Variants in THSD4 observed in about 807,000 individuals in gnomAD.
THSD4 encodes thrombospondin type 1 domain containing 4.
THSD4 carries 69 observed loss-of-function variants against 119.0 expected under a neutral mutation model. The observed-to-expected ratio is 0.58, with a 90% CI of 0.48 to 0.71. The LOEUF (loss-of-function observed/expected upper bound fraction) is 0.71. Ranked by LOEUF, THSD4 falls within the 30% of genes least tolerant of loss-of-function variation. THSD4 has a pLI of 0.00. For synonymous variants in THSD4, 524 were observed against 540.4 expected, an observed-to-expected ratio of 0.97 and a Z score of 0.42; for missense variants, 1,393 against 1,391.1, an observed-to-expected ratio of 1.00 and a Z score of -0.02.
chr15:71,607,224 T>A (rs1344520939), intron 7 of THSD4, among the ~76,000 whole-genome samples: 1 of 152,076 alleles, frequency 6.6e-6, no homozygotes, highest in African/African-American at 2.4e-5. Flanking sequence ...TTTAGGAGCT[T>A]CTCCAGAGGT....
chr15:71,287,481 A>G (rs2044732448), intron 6 of THSD4, among the ~76,000 whole-genome samples: 1 of 152,174 alleles, frequency 6.6e-6, no homozygotes, highest in African/African-American at 2.4e-5. Flanking sequence ...GCATGAGGAT[A>G]TTTTTAAATT....
intron 3 of THSD4, among the ~76,000 whole-genome samples, chr15:71,201,530 T>A (rs1567155761): frequency 6.6e-6 from 1 of 152,228 alleles, no homozygotes; most frequent in Non-Finnish European, 1.5e-5. Flanking sequence ...AAGGGCACCT[T>A]TGGTCTCCCA....
chr15:71,638,985 TC>T (rs915411328), intron 7 of THSD4, among the ~76,000 whole-genome samples: 1 of 151,954 alleles, frequency 6.6e-6, no homozygotes, highest in African/African-American at 2.4e-5. Context: ...TGCAGTCATG[TC>T]CCCCAACAGC....
At chr15:71,215,494 A>G (rs1484143577) in intron 4 of THSD4, 95 bp downstream of exon 4, 1 of 1,252,922 alleles carries the variant, frequency 8.0e-7, no homozygotes, top group East Asian at 3.1e-5. Context: ...TGCACCACAG[A>G]CAGTGCGACT....
intron 6 of THSD4, among the ~76,000 whole-genome samples, chr15:71,377,914 A>ACACACCT (rs57687864): frequency 3.0e-4 from 44 of 146,256 alleles, no homozygotes; most frequent in African/African-American, 6.0e-4. Flanking sequence ...ACACACACAC[A>ACACACCT]ATTTCCTTCA....
chr15:71,456,677 G>A (rs764856370), intron 7 of THSD4, among the ~76,000 whole-genome samples: 3 of 152,138 alleles, frequency 2.0e-5, no homozygotes, highest in Non-Finnish European at 4.4e-5. Flanking sequence ...TTTTCAACAA[G>A]CCCCTATTCT....
intron 7 of THSD4, among the ~76,000 whole-genome samples, chr15:71,533,995 A>G (rs968171950): frequency 1.3e-5 from 2 of 152,218 alleles, no homozygotes; most frequent in African/African-American, 4.8e-5. Flanking sequence ...AGTGATTTGT[A>G]TACACTTTCA....
At chr15:71,731,015 A>G (rs969652437) in intron 9 of THSD4, 106 bp from the exon 10 acceptor site, 1 of 1,007,824 alleles carries the variant, frequency 9.9e-7, no homozygotes, top group Admixed American at 1.9e-5. Context: ...TGCGTACTAG[A>G]GTGAACCAAC....
intron 6 of THSD4, among the ~76,000 whole-genome samples, chr15:71,374,750 C>T (rs373167366): frequency 2.6e-5 from 4 of 152,272 alleles, no homozygotes; most frequent in South Asian, 4.1e-4. Flanking sequence ...CAAAGGAAAA[C>T]GCCCAATCTC....
At chr15:71,682,855 A>ACTTACTTTCTTT (rs2051814032) in intron 8 of THSD4, among the ~76,000 whole-genome samples, 2 of 108,882 alleles carry the variant, frequency 1.8e-5, no homozygotes, top group African/African-American at 7.4e-5. Context: ...CTCTTTTGCT[A>ACTTACTTTCTTT]CTTTCTTTCT....
At chr15:71,597,965 T>C (rs2049937358) in intron 7 of THSD4, among the ~76,000 whole-genome samples, 1 of 152,160 alleles carries the variant, frequency 6.6e-6, no homozygotes, top group Admixed American at 6.5e-5. Flanking sequence ...CTTACTATGG[T>C]CCCAATCCTG....
chr15:71,166,494 T>C (rs975764531), intron 3 of THSD4, among the ~76,000 whole-genome samples: 1 of 152,208 alleles, frequency 6.6e-6, no homozygotes, highest in South Asian at 2.1e-4. Context: ...GAGACCCTTT[T>C]ATAGCAATGA....
chr15:71,736,335 A>G (rs1282679157), intron 10 of THSD4, among the ~76,000 whole-genome samples: 4 of 95,168 alleles, frequency 4.2e-5, no homozygotes, highest in Non-Finnish European at 8.9e-5. Context: ...CTTGCTCTCT[A>G]TCTCTGACTC....
intron 6 of THSD4, among the ~76,000 whole-genome samples, chr15:71,395,362 C>T (rs1163693556): frequency 6.6e-6 from 1 of 152,170 alleles, no homozygotes; most frequent in East Asian, 1.9e-4. Flanking sequence ...CACTGCCCCC[C>T]AGGTGCAAAG....
intron 8 of THSD4, among the ~76,000 whole-genome samples, chr15:71,689,408 CTG>C (rs1394705376): frequency 6.6e-6 from 1 of 152,182 alleles, no homozygotes; most frequent in African/African-American, 2.4e-5. Context: ...TATTTGAACT[CTG>C]TGACTCTCCT....
At chr15:71,237,861 G>A (rs1040435125) in intron 4 of THSD4, among the ~76,000 whole-genome samples, 3 of 152,166 alleles carry the variant, frequency 2.0e-5, no homozygotes, top group Admixed American at 6.5e-5. Context: ...AGCTGTGGAA[G>A]ATCACACATA....
At chr15:71,491,350 C>T (rs898072350) in intron 7 of THSD4, among the ~76,000 whole-genome samples, 7 of 152,106 alleles carry the variant, frequency 4.6e-5, no homozygotes, top group South Asian at 2.1e-4. Context: ...TATCCAACTA[C>T]GGTATTTGAG....
At chr15:71,322,706 C>T (rs1157696904) in intron 6 of THSD4, among the ~76,000 whole-genome samples, 1 of 152,116 alleles carries the variant, frequency 6.6e-6, no homozygotes, top group African/African-American at 2.4e-5. Flanking sequence ...TGGCTGTGGG[C>T]AGGAGGCCTT....
At chr15:71,224,743 G>T (rs1193694810) in intron 4 of THSD4, among the ~76,000 whole-genome samples, 2 of 152,198 alleles carry the variant, frequency 1.3e-5, no homozygotes, top group Non-Finnish European at 2.9e-5. Context: ...TTGGCTCGTG[G>T]CCCCTCCTCC....
Sources: gnomAD v4.1 joint callset for allele counts (sites outside exome capture counted in the v4.1 genomes callset) on GRCh38, gnomAD v4.1.1 for gene constraint, MANE v1.5 for transcripts, NCBI Gene and HGNC (gene_info 2026-07-23, HGNC 2026-07-21) for gene names.